SH3RF3: variants seen among roughly 807,000 people sequenced by gnomAD.
SH3RF3 encodes the protein E3 ubiquitin-protein ligase SH3RF3.
Under a neutral mutation model 66.3 loss-of-function variants are expected in SH3RF3, and 29 were observed. That is an observed-to-expected ratio of 0.44 (90% CI 0.33 to 0.60). The LOEUF (loss-of-function observed/expected upper bound fraction) is 0.60. Ranked by LOEUF, SH3RF3 falls within the 20% of genes least tolerant of loss-of-function variation. The probability of loss-of-function intolerance (pLI) is 0.04; values close to 1 mark genes in which losing one functional copy is unlikely to be tolerated. For missense variants in SH3RF3, 1,194 were observed against 1,190.9 expected (o/e 1.00, Z -0.04); for synonymous variants, 583 against 532.0 (o/e 1.10, Z -1.32).
chr2:109,305,818 C>T (rs1162456386), intron 1 of SH3RF3, among the ~76,000 whole-genome samples: 3 of 152,312 alleles, frequency 2.0e-5, no homozygotes, highest in South Asian at 2.1e-4. Context: ...TGGGGCTGCT[C>T]GGCATCTCTC....
chr2:109,268,040 G>T (rs561088953), intron 1 of SH3RF3, among the ~76,000 whole-genome samples: 1 of 151,978 alleles, frequency 6.6e-6, no homozygotes, highest in Non-Finnish European at 1.5e-5. Context: ...AGTCCTTGTG[G>T]GTGAGGGGGT....
intron 3 of SH3RF3, among the ~76,000 whole-genome samples, chr2:109,385,338 C>T (rs115572833): frequency 0.012 from 1,787 of 152,332 alleles, 28 homozygotes; most frequent in African/African-American, 0.041. Context: ...AGTTTGGGGG[C>T]CCTGCACAAC....
At chr2:109,334,825 T>C (rs1351414563) in intron 1 of SH3RF3, among the ~76,000 whole-genome samples, 1 of 152,224 alleles carries the variant, frequency 6.6e-6, no homozygotes, top group East Asian at 1.9e-4. Flanking sequence ...TATGTGCCAC[T>C]TGCTCCCCTC....
At chr2:109,319,699 G>A (rs1371927260) in intron 1 of SH3RF3, among the ~76,000 whole-genome samples, 1 of 152,194 alleles carries the variant, frequency 6.6e-6, no homozygotes, top group African/African-American at 2.4e-5. Flanking sequence ...GAAGAGTGCC[G>A]TGCCGGAGCC....
intron 1 of SH3RF3, among the ~76,000 whole-genome samples, chr2:109,163,827 A>G (rs1349373953): frequency 6.6e-6 from 1 of 152,126 alleles, no homozygotes. Flanking sequence ...CCTCCAAACA[A>G]TGTGTTTTCC....
chr2:109,404,492 A>G (rs1339537260), intron 4 of SH3RF3, among the ~76,000 whole-genome samples: 1 of 152,064 alleles, frequency 6.6e-6, no homozygotes, highest in Non-Finnish European at 1.5e-5. Context: ...AAGATGGGGG[A>G]GTGGGGCCTA....
intron 3 of SH3RF3, among the ~76,000 whole-genome samples, chr2:109,393,166 C>G (rs1428336535): frequency 6.6e-6 from 1 of 152,210 alleles, no homozygotes; most frequent in African/African-American, 2.4e-5. Flanking sequence ...GCTTTAAGGC[C>G]AGCAACCAGC....
chr2:109,251,724 C>A, intron 1 of SH3RF3: 5 of 722,116 alleles, frequency 6.9e-6, no homozygotes, highest in South Asian at 3.5e-5. Context: ...AAAATTAGGT[C>A]GTGTACATTT....
intron 1 of SH3RF3, among the ~76,000 whole-genome samples, chr2:109,276,880 A>G (rs1271891353): frequency 2.0e-5 from 3 of 151,850 alleles, no homozygotes; most frequent in African/African-American, 4.8e-5. Context: ...TTCACATGGA[A>G]AAAAAAATGA....
chr2:109,339,302 A>T (rs1409241729), intron 1 of SH3RF3, among the ~76,000 whole-genome samples: 1 of 152,170 alleles, frequency 6.6e-6, no homozygotes, highest in Admixed American at 6.5e-5. Flanking sequence ...GGGTAACATG[A>T]AAGTAATGAC....
chr2:109,333,360 G>A (rs1256300831), intron 1 of SH3RF3, among the ~76,000 whole-genome samples: 1 of 152,196 alleles, frequency 6.6e-6, no homozygotes, highest in Non-Finnish European at 1.5e-5. Context: ...TAATGTATTG[G>A]TTTCAGCATC....
chr2:109,367,360 C>T (rs777180540), intron 2 of SH3RF3, among the ~76,000 whole-genome samples: 1 of 152,106 alleles, frequency 6.6e-6, no homozygotes, highest in African/African-American at 2.4e-5. Context: ...CAGCTTACTG[C>T]AACCTCTGCC....
chr2:109,454,322 C>G (rs1402924450), intron 8 of SH3RF3, among the ~76,000 whole-genome samples: 2 of 152,152 alleles, frequency 1.3e-5, no homozygotes, highest in Non-Finnish European at 1.5e-5. Flanking sequence ...GGGCATGGAC[C>G]CTTACCTGGT....
intron 1 of SH3RF3, among the ~76,000 whole-genome samples, chr2:109,183,106 G>T (rs957250108): frequency 1.3e-5 from 2 of 152,052 alleles, no homozygotes; most frequent in African/African-American, 2.4e-5. Context: ...CTTTTTAAAA[G>T]AAATCTTTAG....
intron 1 of SH3RF3, among the ~76,000 whole-genome samples, chr2:109,288,108 C>A (rs1292504941): frequency 6.6e-6 from 1 of 152,176 alleles, no homozygotes; most frequent in East Asian, 1.9e-4. Context: ...GTCTTGTTTG[C>A]CCACAAGACA....
intron 7 of SH3RF3, among the ~76,000 whole-genome samples, chr2:109,441,541 C>G (rs1469359234): frequency 6.6e-6 from 1 of 152,124 alleles, no homozygotes; most frequent in Non-Finnish European, 1.5e-5. Context: ...TGAATGGAAT[C>G]CGTGAGCAAT....
At chr2:109,265,390 T>C (rs1288293039) in intron 1 of SH3RF3, among the ~76,000 whole-genome samples, 3 of 152,228 alleles carry the variant, frequency 2.0e-5, no homozygotes, top group East Asian at 3.8e-4. Context: ...CCTCACAGTT[T>C]ATCAGATGGT....
At chr2:109,340,145 G>T (rs1199018801) in intron 1 of SH3RF3, among the ~76,000 whole-genome samples, 1 of 152,208 alleles carries the variant, frequency 6.6e-6, no homozygotes, top group East Asian at 1.9e-4. Flanking sequence ...GGTGATGTGT[G>T]TAGCTGGCAG....
At chr2:109,188,501 T>C (rs1678255125) in intron 1 of SH3RF3, among the ~76,000 whole-genome samples, 1 of 152,186 alleles carries the variant, frequency 6.6e-6, no homozygotes, top group South Asian at 2.1e-4. Context: ...TGGGTTTGGC[T>C]CTTGGTCTGG....
Sources: allele counts gnomAD v4.1 joint callset (sites outside exome capture counted in the v4.1 genomes callset), GRCh38; gene constraint gnomAD v4.1.1; transcripts MANE v1.5; gene names NCBI Gene and HGNC (gene_info 2026-07-23, HGNC 2026-07-21).